The following ACVR1C variants were observed in gnomAD, a reference collection of about 807,000 sequenced individuals.
ACVR1C encodes activin A receptor type 1C.
In ACVR1C, 23 loss-of-function variants were observed where a neutral mutation model predicts 57.9. The ratio of observed to expected loss-of-function variants is 0.40; its 90% CI spans 0.29 to 0.56. ACVR1C has a LOEUF of 0.56. ACVR1C is among the 20% of genes least tolerant of loss of function. ACVR1C has a pLI of 0.50. For missense variants in ACVR1C, 480 were observed against 607.9 expected (o/e 0.79, Z 2.21); for synonymous variants, 214 against 215.3 (o/e 0.99, Z 0.05).
chr2:157,566,678 G>A lies in ACVR1C; in HGVS notation c.305-10346C>T, dbSNP rs1178235829. On this transcript the variant is annotated intron_variant, in intron 2 of 8. Transcript: ENST00000243349. ...CGGCTTAAGAAACGGCGCACCACGA[G>A]ACTATATCCCACACCTGGCTCAGAG... Among the ~76,000 whole-genome samples, 8 of 151,720 alleles carry A rather than the reference G, an allele frequency of 5.3e-5. No homozygotes were observed. In the South Asian group the frequency reaches 1.5e-3, roughly 28 times the overall value.
At chr2:157,600,439 A>G (rs774623221) in intron 1 of ACVR1C, among the ~76,000 whole-genome samples, 28 of 152,368 alleles carry the variant, frequency 1.8e-4, no homozygotes, top group African/African-American at 2.4e-4. Context: ...AAAAGTAACC[A>G]GTAAGTAATA....
rs910139574 is a variant in ACVR1C at position 157,570,448 on chromosome 2, T to C, written c.305-14116A>G. On this transcript the variant is annotated intron_variant, in intron 2 of 8. Transcript: ENST00000243349. ...TGTCCCCGTTTGCAGACGACATGAT[T>C]GTATATCTAGAAAACCCCATCGTCT... is the stretch of plus-strand genomic sequence containing the variant. Among the ~76,000 whole-genome samples, 319 of 80,930 alleles carry C rather than the reference T, an allele frequency of 3.9e-3. 53 individuals are homozygous for C. In the Middle Eastern group the frequency reaches 0.08, roughly 20 times the overall value. The allele number at this position is 80,930 out of a possible 152,430, so 53.1% of individuals were successfully genotyped here.
intron 2 of ACVR1C, among the ~76,000 whole-genome samples, chr2:157,583,101 T>A (rs1688830087): frequency 6.6e-6 from 1 of 152,160 alleles, no homozygotes; most frequent in African/African-American, 2.4e-5. Context: ...CCTCAAGTGA[T>A]CTGCCCACCG....
At chr2:157,601,927 C>A (rs1414820163) in intron 1 of ACVR1C, among the ~76,000 whole-genome samples, 2 of 152,086 alleles carry the variant, frequency 1.3e-5, no homozygotes, top group South Asian at 2.1e-4. Context: ...AAAAAAAGAA[C>A]ACCCGAAAAT....
intron 3 of ACVR1C, 152 bp downstream of exon 3, chr2:157,555,941 C>G: frequency 1.1e-6 from 1 of 889,678 alleles, no homozygotes; most frequent in Admixed American, 3.0e-5. Flanking sequence ...TTCTCTTCCT[C>G]AGGTACTAAA....
In ACVR1C at chr2:157,556,261, A is replaced by G; in HGVS notation, c.376T>C (p.Ser126Pro). 6.2e-7 allele frequency: 1 copy of G among 1,614,164 alleles called. No individual in the cohort carries two copies. Among genetic ancestry groups the G allele is most frequent in the Non-Finnish European group, 8.5e-7 (1 of 1,180,018 alleles). Residue 126 changes from serine to proline, a missense_variant, in exon 3 of 9, where the codon TCC becomes CCC. Ser to Pro is a moderately conservative substitution (Grantham distance 74). Coordinates refer to ENST00000243349, the MANE Select transcript of ACVR1C (RefSeq NM_145259.3). ...CATACTGTCAGCATCGCAGCTATGG[A>G]CAGGAGGCAAACAGGCACAGTAATA... The part of the protein sequence containing the change: ...IIITVPVCLL[S>P]IAAMLTVWAC...
chr2:157,554,405 G>GAAGGAAGGAAGGAGACA (rs1035502478), intron 3 of ACVR1C, among the ~76,000 whole-genome samples: 1 of 151,134 alleles, frequency 6.6e-6, no homozygotes, highest in Non-Finnish European at 1.5e-5. Context: ...GGAAGGAGAT[G>GAAGGAAGGAAGGAGACA]AAGGAAGGAA....
intron 2 of ACVR1C, among the ~76,000 whole-genome samples, chr2:157,585,479 C>G (rs1208141915): frequency 1.3e-5 from 2 of 152,170 alleles, no homozygotes; most frequent in Non-Finnish European, 2.9e-5. Flanking sequence ...TACATTCTAG[C>G]TGCATTAGGT....
At chr2:157,576,486 G>A (rs1210327445) in intron 2 of ACVR1C, among the ~76,000 whole-genome samples, 2 of 152,062 alleles carry the variant, frequency 1.3e-5, no homozygotes, top group African/African-American at 2.4e-5. Flanking sequence ...TTACAGGCAT[G>A]AGCCAATGTG....
chr2:157,589,444 G>A (rs538374934), intron 1 of ACVR1C, among the ~76,000 whole-genome samples: 1 of 151,514 alleles, frequency 6.6e-6, no homozygotes, highest in African/African-American at 2.4e-5. Flanking sequence ...TCCTTTTTTG[G>A]ATGTATACTT....
chr2:157,624,658 CAA>C (rs1288763726), intron 1 of ACVR1C, among the ~76,000 whole-genome samples: 1 of 152,108 alleles, frequency 6.6e-6, no homozygotes, highest in Admixed American at 6.5e-5. Flanking sequence ...ATATCCTGTG[CAA>C]AGAGTTGGGA....
chr2:157,557,851 GA>G lies in ACVR1C; in HGVS notation c.305-1520del, dbSNP rs368004465. 3.9e-4 allele frequency among the ~76,000 whole-genome samples: 59 copies of G among 151,720 alleles called. No individual in the cohort carries two copies. In the East Asian group the frequency reaches 9.1e-3, roughly 23 times the overall value. On this transcript the variant is annotated intron_variant, in intron 2 of 8. Transcript: ENST00000243349. The stretch of plus-strand genomic sequence containing the variant: ...ATTTAAGAAATCTTTTTTTAATTTA[GA>G]AAAAAAGTGATACATGAAAAATCTA...
chr2:157,587,044 G>T, intron 2 of ACVR1C, 143 bp downstream of exon 2: 1 of 756,764 alleles, frequency 1.3e-6, no homozygotes, highest in Non-Finnish European at 2.1e-6. Context: ...AGACTCTAGA[G>T]AATTTTACCA....
At chr2:157,542,326 C>A (rs1256919853) in intron 6 of ACVR1C, among the ~76,000 whole-genome samples, 2 of 152,166 alleles carry the variant, frequency 1.3e-5, no homozygotes, top group Non-Finnish European at 2.9e-5. Context: ...GTATGTAGAA[C>A]TAGTCCTGAG....
At chr2:157,554,201 G>GAGAAAGAAAGAAAGAAAGAAGAAAGAA (rs1687998218) in intron 3 of ACVR1C, among the ~76,000 whole-genome samples, 1 of 41,440 alleles carries the variant, frequency 2.4e-5, no homozygotes, top group African/African-American at 1.4e-4. Flanking sequence ...ATAAAGAAGA[G>GAGAAAGAAAGAAAGAAAGAAGAAAGAA]AGAAAGAAAG....
chr2:157,597,345 G>A (rs1682153207), intron 1 of ACVR1C: 2 of 985,706 alleles, frequency 2.0e-6, no homozygotes, highest in Non-Finnish European at 2.4e-6. Context: ...CCCGCCCCCG[G>A]GGAGCTCCCC....
At chr2:157,600,565 A>G (rs926359374) in intron 1 of ACVR1C, among the ~76,000 whole-genome samples, 1 of 152,246 alleles carries the variant, frequency 6.6e-6, no homozygotes, top group African/African-American at 2.4e-5. Flanking sequence ...TAAAGTCCTC[A>G]AGGGTTCTCA....
intron 1 of ACVR1C, among the ~76,000 whole-genome samples, chr2:157,614,972 T>C (rs145377333): frequency 7.9e-5 from 12 of 152,314 alleles, no homozygotes; most frequent in African/African-American, 2.2e-4. Flanking sequence ...GTCTTTTCAT[T>C]GCTATACTTA....
intron 5 of ACVR1C, among the ~76,000 whole-genome samples, chr2:157,543,344 T>C (rs1017531437): frequency 6.6e-6 from 1 of 152,078 alleles, no homozygotes; most frequent in African/African-American, 2.4e-5. Flanking sequence ...CAAAACAACA[T>C]ATGAGAACAG....
Sources: allele counts gnomAD v4.1 joint callset (sites outside exome capture counted in the v4.1 genomes callset), GRCh38; gene constraint gnomAD v4.1.1; transcripts MANE v1.5; gene names NCBI Gene and HGNC (gene_info 2026-07-23, HGNC 2026-07-21).